DICER1: variants seen among roughly 807,000 people sequenced by gnomAD.
The protein encoded by DICER1 is endoribonuclease Dicer.
In DICER1, 43 loss-of-function variants were observed where a neutral mutation model predicts 194.1. The ratio of observed to expected loss-of-function variants is 0.22; its 90% CI spans 0.17 to 0.29. The LOEUF is 0.29. DICER1 is among the 10% of genes least tolerant of loss of function. The pLI is 1.00. For synonymous variants in DICER1, 832 were observed against 820.5 expected, an observed-to-expected ratio of 1.01 and a Z score of -0.24; for missense variants, 1,608 against 2,317.0, an observed-to-expected ratio of 0.69 and a Z score of 6.28.
intron 21 of DICER1, among the ~76,000 whole-genome samples, chr14:95,102,355 GCT>G (rs1346230470): frequency 6.6e-6 from 1 of 152,096 alleles, no homozygotes; most frequent in African/African-American, 2.4e-5. Flanking sequence ...ATAGTTCCTT[GCT>G]CTAAATTCCT....
Position 95,107,881 on chromosome 14 carries a change from A to G in DICER1, c.2649T>C (p.Val883=), listed in dbSNP as rs981585657. The change falls in exon 16 of 27, where the codon GTT becomes GTC. Residue 883 remains valine (V), a splice_region_variant and synonymous_variant. Coordinates refer to ENST00000343455, the MANE Select transcript of DICER1 (RefSeq NM_177438.3). ...DSAYCVLPLN[V]VNDSSTLDID... is the part of the protein sequence containing the mutation. Reference sequence around the variant, plus strand: ...CAAAGTAAGAGATTTTTTTCTTACCAACATTAAGAGGTAGAACACAGTATG... The same window carrying G: ...CAAAGTAAGAGATTTTTTTCTTACCGACATTAAGAGGTAGAACACAGTATG... 4 of 1,613,352 alleles carry G rather than the reference A, an allele frequency of 2.5e-6. No homozygotes were observed. The highest frequency in any genetic ancestry group is 3.3e-5 in the Admixed American group (2 of 60,010).
chr14:95,124,733 G>C lies in DICER1; in HGVS notation c.904-65C>G. The stretch of plus-strand genomic sequence containing the variant: ...TAATAATGTAGCATTTTCATGTGGG[G>C]TTTAACTGGGATTTCAGTTGTTCTC... On this transcript the variant is annotated intron_variant, in intron 7 of 26. Coordinates refer to ENST00000343455, the MANE Select transcript of DICER1 (RefSeq NM_177438.3). This position sits in a 1 kb window ranked among gnomAD's most constrained non-coding sequence, Gnocchi z 4.5. The C allele has an allele frequency of 7.5e-7, 1 of 1,334,230 alleles. No homozygotes were observed. Among genetic ancestry groups the C allele is most frequent in the Non-Finnish European group, 1.1e-6 (1 of 934,546 alleles). The allele number at this position is 1,334,230 out of a possible 1,614,324, so 82.6% of individuals were successfully genotyped here. A position where few individuals can be genotyped will look rare whatever the true frequency, so the allele number is the denominator to read the frequency against.
intron 11 of DICER1, among the ~76,000 whole-genome samples, chr14:95,115,255 C>G (rs937539554): frequency 1.3e-5 from 2 of 152,148 alleles, no homozygotes; most frequent in Admixed American, 1.3e-4. Context: ...TTATTATCAG[C>G]TCTGGACAAA....
rs752184475 is a variant in DICER1 at position 95,112,122 on chromosome 14, C to T, written c.2116+50G>A. 3 of 1,499,966 alleles carry T rather than the reference C, an allele frequency of 2.0e-6. No homozygotes were observed. The South Asian group carries it at 3.4e-5, about 17-fold the overall frequency. 92.9% of individuals were successfully genotyped at this position (1,499,966 alleles called of 1,614,324 possible). On this transcript the variant is annotated intron_variant, in intron 13 of 26. Coordinates refer to ENST00000343455, the MANE Select transcript of DICER1 (RefSeq NM_177438.3). Reference sequence around the variant, plus strand: ...AAGTCCTCTATATGCTTTTTTTTTACAATGGTTGCAATTTATTTTCATTCG... The same window carrying T: ...AAGTCCTCTATATGCTTTTTTTTTATAATGGTTGCAATTTATTTTCATTCG...
rs1339733255 is a variant in DICER1, at chr14:95,157,294, G to C, written c.-110C>G. 6.5e-6 allele frequency: 1 copy of C among 154,066 alleles called. No individual in the cohort carries two copies. Among genetic ancestry groups the C allele is most frequent in the Non-Finnish European group, 1.4e-5 (1 of 69,806 alleles). 9.5% of individuals were successfully genotyped at this position (154,066 alleles called of 1,614,324 possible). A position where few individuals can be genotyped will look rare whatever the true frequency, so the allele number is the denominator to read the frequency against. Reference sequence around the variant, plus strand: ...ACCCCGCTCCGGCGCGCGCGTCACAGCCCAGGCCTCCCGGAGCCGCCCGGC... The same window carrying C: ...ACCCCGCTCCGGCGCGCGCGTCACACCCCAGGCCTCCCGGAGCCGCCCGGC... On this transcript the variant is annotated 5_prime_UTR_variant, in exon 1 of 27. Coordinates refer to ENST00000343455, the MANE Select transcript of DICER1 (RefSeq NM_177438.3).
chr14:95,113,422 T>C (rs184138689), intron 11 of DICER1, among the ~76,000 whole-genome samples, 198 bp from the exon 12 acceptor site: 1 of 152,384 alleles, frequency 6.6e-6, no homozygotes, highest in East Asian at 1.9e-4. Context: ...AGATGTTCTA[T>C]ATCTTCGATG....
In DICER1 at chr14:95,099,803, C is replaced by T; in HGVS notation, c.4183G>A (p.Asp1395Asn). ...YVVNQDKSNT[D>N]KWEKDEMTKD... ...ACCATTTCATCTTTTTCCCATTTAT[C>T]TGTGTTGCTTTTGTCTTGATTTACT... Residue 1395 changes from aspartate to asparagine, a missense_variant, in exon 22 of 27, where the codon GAT (aspartate) becomes AAT (asparagine). By Grantham distance (23) the Asp-to-Asn change is conservative (BLOSUM62 1). This residue lies in a region of DICER1 where 164 missense variants were observed against 183.7 expected (regional missense o/e 0.89). Coordinates refer to ENST00000343455, the MANE Select transcript of DICER1 (RefSeq NM_177438.3). The T allele has an allele frequency of 6.2e-7, 1 of 1,612,798 alleles. No individual in the cohort carries two copies. Among genetic ancestry groups the T allele is most frequent in the Non-Finnish European group, 8.5e-7 (1 of 1,179,610 alleles).
intron 3 of DICER1, 62 bp downstream of exon 3, chr14:95,132,453 G>A (rs1894027837): frequency 6.5e-7 from 1 of 1,537,594 alleles, no homozygotes; most frequent in East Asian, 2.2e-5. Flanking sequence ...CAGAAAATCT[G>A]TTTAAACATA....
At chr14:95,146,603 A>G (rs1365718591) in intron 1 of DICER1, among the ~76,000 whole-genome samples, 1 of 152,196 alleles carries the variant, frequency 6.6e-6, no homozygotes, top group Non-Finnish European at 1.5e-5. Flanking sequence ...TCTTGGATGC[A>G]GAACAAGAAC....
intron 17 of DICER1, among the ~76,000 whole-genome samples, chr14:95,107,162 G>A (rs1045024211): frequency 7.9e-5 from 12 of 151,956 alleles, no homozygotes; most frequent in African/African-American, 2.2e-4. Context: ...ATTACAGCAC[G>A]CATCACCATG....
At position 95,131,571 on chromosome 14, in the gene DICER1, T is replaced by C. The variant is rs373734886; in HGVS notation, c.376A>G (p.Asn126Asp). ...GTCCAAGATGCATTTACTTCTAGGT[T>C]TGAGTATTCCCCAACCTTGAGATCT... Reference protein sequence around the residue: ...HSDLKVGEYSNLEVNASWTKE... With the variant: ...HSDLKVGEYSDLEVNASWTKE... The change falls in exon 4 of 27, where the codon AAC (asparagine) becomes GAC (aspartate). Residue 126 changes from asparagine to aspartate, a missense_variant. Around this residue, in one of 10 missense-constraint regions of DICER1, gnomAD observed 657 missense variants for 910.1 expected, o/e 0.72. Coordinates refer to ENST00000343455, the MANE Select transcript of DICER1 (RefSeq NM_177438.3). 2.7e-5 allele frequency: 43 copies of C among 1,613,488 alleles called. 1 individual carries two copies. The highest frequency in any genetic ancestry group is 3.2e-5 in the Non-Finnish European group (38 of 1,179,404).
intron 1 of DICER1, among the ~76,000 whole-genome samples, chr14:95,140,926 C>T (rs1894790057): frequency 1.3e-5 from 2 of 152,000 alleles, no homozygotes; most frequent in South Asian, 4.1e-4. Context: ...AAGGCTTACC[C>T]TAAAACAAAG....
In DICER1 at chr14:95,108,339, G is replaced by C. The variant is rs755672876; in HGVS notation, c.2421C>G (p.Ala807=). 4 of 1,613,466 alleles carry C rather than the reference G, an allele frequency of 2.5e-6. No individual in the cohort carries two copies. The highest frequency in any genetic ancestry group is 4.5e-5 in the East Asian group (2 of 44,866). Residue 807 remains alanine (A), a synonymous_variant, in exon 15 of 27, where the codon GCC becomes GCG. Transcript: ENST00000343455. Reference sequence around the variant, plus strand: ...AAATACCTACCTGAGGTATGGGTTTGGCCGTCAGTATTCCAAAGCATCTTG... The same window carrying C: ...AAATACCTACCTGAGGTATGGGTTTCGCCGTCAGTATTCCAAAGCATCTTG... ...DTTRCFGILT[A]KPIPQIPHFP...
rs747847208 is a variant in DICER1, at chr14:95,091,376, G to C, written c.5365-11C>G. 6.2e-7 allele frequency: 1 copy of C among 1,613,898 alleles called. No homozygotes were observed. Among genetic ancestry groups the C allele is most frequent in the Non-Finnish European group, 8.5e-7 (1 of 1,179,928 alleles). On this transcript the variant is annotated splice_polypyrimidine_tract_variant and intron_variant, in intron 24 of 26. Transcript: ENST00000343455. ...CTCAGATCTCCTAAGCTATTACAGA[G>C]GGAAAAGTGACTTGTAAGCAAAAAG...
intron 1 of DICER1, among the ~76,000 whole-genome samples, chr14:95,134,885 G>A (rs1487442427): frequency 6.6e-6 from 1 of 152,136 alleles, no homozygotes; most frequent in Non-Finnish European, 1.5e-5. Context: ...CTGGATCAAA[G>A]AGAACTATGT....
At chr14:95,133,097 A>G (rs1448808728) in intron 2 of DICER1, among the ~76,000 whole-genome samples, 2 of 152,194 alleles carry the variant, frequency 1.3e-5, no homozygotes, top group Non-Finnish European at 2.9e-5. Flanking sequence ...TCAGAGGGGG[A>G]AAAAAGAAAC....
At position 95,124,455 on chromosome 14, in the gene DICER1, C is replaced by G. The variant is rs369145814; in HGVS notation, c.1117G>C (p.Val373Leu). ...FSPASLDLKF[V>L]TPKVIKLLEI... ...AGCAGTTTGATTACTTTAGGAGTTA[C>G]AAATTTCAGGTCAAGTGAGGCAGGT... is the stretch of plus-strand genomic sequence containing the variant. Residue 373 changes from valine (V) to leucine (L), a missense_variant, in exon 8 of 27, where the codon GTA becomes CTA. By Grantham distance (32) the Val-to-Leu change is conservative. Coordinates refer to ENST00000343455, the MANE Select transcript of DICER1 (RefSeq NM_177438.3). The surrounding 1 kb of genome is among the most constrained non-coding windows in gnomAD (Gnocchi z 4.5). The G allele has an allele frequency of 8.1e-6, 13 of 1,614,002 alleles. No individual in the cohort carries two copies. The highest frequency in any genetic ancestry group is 1.0e-5 in the Non-Finnish European group (12 of 1,180,006).
intron 23 of DICER1, 71 bp from the exon 24 acceptor site, chr14:95,094,227 C>A (rs949036203): frequency 1.3e-6 from 2 of 1,550,334 alleles, no homozygotes; most frequent in African/African-American, 1.4e-5. Context: ...AGCAACTGAT[C>A]CCCAAATCCG....
At chr14:95,120,808 C>T (rs139757418) in intron 8 of DICER1, among the ~76,000 whole-genome samples, 3 of 152,166 alleles carry the variant, frequency 2.0e-5, no homozygotes, top group Non-Finnish European at 4.4e-5. Flanking sequence ...ATAAACCAGA[C>T]AAGTTTTCCT....
Sources: gnomAD v4.1 joint callset for allele counts (sites outside exome capture counted in the v4.1 genomes callset) on GRCh38, gnomAD v4.1.1 for gene constraint, gnomAD v4.1.1 regional missense constraint, Gnocchi (gnomAD v3.1) non-coding constraint, MANE v1.5 for transcripts, NCBI Gene and HGNC (gene_info 2026-07-23, HGNC 2026-07-21) for gene names.